DRD2: variants seen among roughly 807,000 people sequenced by gnomAD.
The protein encoded by DRD2 is dopamine receptor D2, also known as D(2) dopamine receptor.
Under a neutral mutation model 38.0 loss-of-function variants are expected in DRD2, and 8 were observed. The observed-to-expected ratio is 0.21, with a 90% CI of 0.12 to 0.38. DRD2 has a LOEUF of 0.38. DRD2 is among the 10% of genes least tolerant of loss of function. DRD2 has a pLI of 1.00. For missense variants in DRD2, 403 were observed against 607.7 expected, an observed-to-expected ratio of 0.66 and a Z score of 3.54; for synonymous variants, 230 against 238.6, an observed-to-expected ratio of 0.96 and a Z score of 0.33.
intron 1 of DRD2, among the ~76,000 whole-genome samples, chr11:113,463,172 C>G (rs1001615674): frequency 1.3e-5 from 2 of 152,228 alleles, no homozygotes; most frequent in African/African-American, 4.8e-5. Context: ...TCACTTATCT[C>G]TATTTCCCAG....
intron 1 of DRD2, among the ~76,000 whole-genome samples, chr11:113,474,671 G>A (rs911529681): frequency 1.7e-4 from 26 of 151,998 alleles, no homozygotes; most frequent in African/African-American, 5.6e-4. Flanking sequence ...CTGGCCGCGA[G>A]CCCCGGGTCT....
At chr11:113,425,612 A>G (rs1372469904) in intron 1 of DRD2, among the ~76,000 whole-genome samples, 1 of 152,208 alleles carries the variant, frequency 6.6e-6, no homozygotes, top group Non-Finnish European at 1.5e-5. Context: ...GGAGGGGCCC[A>G]GAGTGGAAGC....
At chr11:113,472,381 T>G (rs1015377857) in intron 1 of DRD2, among the ~76,000 whole-genome samples, 1 of 152,206 alleles carries the variant, frequency 6.6e-6, no homozygotes, top group Non-Finnish European at 1.5e-5. Flanking sequence ...CTCAGGAGTA[T>G]GTGAGGCCAT....
At chr11:113,435,219 G>A (rs1951024317) in intron 1 of DRD2, among the ~76,000 whole-genome samples, 1 of 152,014 alleles carries the variant, frequency 6.6e-6, no homozygotes, top group African/African-American at 2.4e-5. Context: ...AGGAAGGGGT[G>A]TCTGCCTGAC....
In DRD2 at chr11:113,410,672, G is replaced by A. The variant is rs1950760288; in HGVS notation, c.*55C>T. ...GCTCACGGTTCGCAAGGGTGAGGCTGGCCGGCCTGGGCAGGGAGGTGGGAA... is the reference window on the plus strand; with the variant it reads ...GCTCACGGTTCGCAAGGGTGAGGCTAGCCGGCCTGGGCAGGGAGGTGGGAA... On this transcript the variant is annotated 3_prime_UTR_variant, in exon 8 of 8. Coordinates refer to ENST00000362072, the MANE Select transcript of DRD2 (RefSeq NM_000795.4). 1.2e-6 allele frequency: 2 copies of A among 1,609,956 alleles called. No homozygotes were observed. Among genetic ancestry groups the A allele is most frequent in the Non-Finnish European group, 1.7e-6 (2 of 1,177,168 alleles).
chr11:113,431,169 T>G (rs1950983496), intron 1 of DRD2, among the ~76,000 whole-genome samples: 1 of 152,190 alleles, frequency 6.6e-6, no homozygotes, highest in East Asian at 1.9e-4. Context: ...AATACATGCA[T>G]GGACACTGTT....
intron 1 of DRD2, among the ~76,000 whole-genome samples, chr11:113,460,872 A>C (rs1951312207): frequency 6.6e-6 from 1 of 152,228 alleles, no homozygotes; most frequent in Non-Finnish European, 1.5e-5. Flanking sequence ...TCCCAGGTGG[A>C]GCCTCCAAGG....
At chr11:113,438,184 T>G (rs1477476104) in intron 1 of DRD2, among the ~76,000 whole-genome samples, 1 of 151,878 alleles carries the variant, frequency 6.6e-6, no homozygotes, top group Non-Finnish European at 1.5e-5. Context: ...CAATGCGTCC[T>G]ATTTTTATTG....
At chr11:113,422,985 G>A (rs962644011) in intron 2 of DRD2, among the ~76,000 whole-genome samples, 12 of 152,112 alleles carry the variant, frequency 7.9e-5, no homozygotes, top group South Asian at 2.1e-4. Context: ...GCAGAGCACC[G>A]GCACTTTCCT....
At chr11:113,435,117 C>T (rs1384399088) in intron 1 of DRD2, among the ~76,000 whole-genome samples, 2 of 152,166 alleles carry the variant, frequency 1.3e-5, no homozygotes, top group Non-Finnish European at 2.9e-5. Flanking sequence ...GCCTGAGCAG[C>T]AGCAGAATTT....
chr11:113,416,955 C>G lies in DRD2; in HGVS notation c.440G>C (p.Ser147Thr). ...CATGACGGTGACCCGGCGCTTGGAG[C>G]TGTAGCGCGTATTGTACAGCATGGG... ...AMPMLYNTRY[S>T]SKRRVTVMIS... Residue 147 changes from serine (S) to threonine (T), a missense_variant, in exon 4 of 8, where the codon AGC becomes ACC. Ser to Thr is a moderately conservative substitution (Grantham distance 58). Coordinates refer to ENST00000362072, the MANE Select transcript of DRD2 (RefSeq NM_000795.4). The G allele has an allele frequency of 6.2e-7, 1 of 1,614,136 alleles. No homozygotes were observed. Among genetic ancestry groups the G allele is most frequent in the Non-Finnish European group, 8.5e-7 (1 of 1,180,008 alleles).
chr11:113,450,492 C>T (rs760813354), intron 1 of DRD2, among the ~76,000 whole-genome samples: 1 of 152,184 alleles, frequency 6.6e-6, no homozygotes, highest in Non-Finnish European at 1.5e-5. Context: ...CTCAAAGGCT[C>T]CTCTCCCAAA....
chr11:113,418,114 C>A lies in DRD2; in HGVS notation c.308G>T (p.Ser103Ile), dbSNP rs1395977945. The change falls in exon 3 of 8, where the codon AGC (serine) becomes ATC (isoleucine). Residue 103 changes from serine (S) to isoleucine (I), a missense_variant. Physicochemically the swap from Ser to Ile is moderately radical, Grantham distance 142. Around this residue, in one of 4 missense-constraint regions of DRD2, gnomAD observed 162 missense variants for 254.5 expected, o/e 0.64. Coordinates refer to ENST00000362072, the MANE Select transcript of DRD2 (RefSeq NM_000795.4). ...YLEVVGEWKF[S>I]RIHCDIFVTL... ...GACGAAGATGTCACAGTGAATCCTG[C>A]TGAATTTCCACTCACCTACCACCTG... is the stretch of plus-strand genomic sequence containing the variant. The A allele has an allele frequency of 6.2e-7, 1 of 1,614,072 alleles. No individual in the cohort carries two copies.
intron 1 of DRD2, among the ~76,000 whole-genome samples, chr11:113,446,706 T>C (rs1951153421): frequency 6.6e-6 from 1 of 152,218 alleles, no homozygotes; most frequent in South Asian, 2.1e-4. Context: ...AATAATCCTG[T>C]AAATTCAATC....
At chr11:113,453,403 C>T (rs908600609) in intron 1 of DRD2, among the ~76,000 whole-genome samples, 2 of 152,146 alleles carry the variant, frequency 1.3e-5, no homozygotes, top group East Asian at 1.9e-4. Context: ...GTATACCATA[C>T]GCACTCAGTC....
intron 1 of DRD2, chr11:113,424,939 T>C: frequency 2.1e-6 from 1 of 486,540 alleles, no homozygotes; most frequent in Non-Finnish European, 3.7e-6. Context: ...AGCTGATCCA[T>C]CATTTATTTA....
chr11:113,416,956 T>C lies in DRD2; in HGVS notation c.439A>G (p.Ser147Gly). Residue 147 changes from serine to glycine, a missense_variant, in exon 4 of 8, where the codon AGC becomes GGC. Ser to Gly is a moderately conservative substitution (Grantham distance 56, BLOSUM62 0). This residue lies in a region of DRD2 where 162 missense variants were observed against 254.5 expected (regional missense o/e 0.64). Coordinates refer to ENST00000362072, the MANE Select transcript of DRD2 (RefSeq NM_000795.4). ...AMPMLYNTRY[S>G]SKRRVTVMIS... ...ATGACGGTGACCCGGCGCTTGGAGC[T>C]GTAGCGCGTATTGTACAGCATGGGC... 6.2e-7 allele frequency: 1 copy of C among 1,614,154 alleles called. No homozygotes were observed. The highest frequency in any genetic ancestry group is 8.5e-7 in the Non-Finnish European group (1 of 1,180,008).
chr11:113,438,580 T>C (rs1481451196), intron 1 of DRD2, among the ~76,000 whole-genome samples: 1 of 152,188 alleles, frequency 6.6e-6, no homozygotes, highest in Non-Finnish European at 1.5e-5. Flanking sequence ...TACCATGTTG[T>C]TCCCACTACT....
chr11:113,417,093 G>A lies in DRD2; in HGVS notation c.396-94C>T, dbSNP rs992108744. On this transcript the variant is annotated intron_variant, in intron 3 of 7. Coordinates refer to ENST00000362072, the MANE Select transcript of DRD2 (RefSeq NM_000795.4). ...ACCAGAGACACCCTCACTCCTTGGG[G>A]CTAAACAGTTGACACACCTCTATGA... 4.6e-6 allele frequency: 7 copies of A among 1,514,690 alleles called. No individual in the cohort carries two copies. The African/African-American group carries it at 6.9e-5, about 15-fold the overall frequency. 93.8% of individuals were successfully genotyped at this position (1,514,690 alleles called of 1,614,324 possible). A position where few individuals can be genotyped will look rare whatever the true frequency, so the allele number is the denominator to read the frequency against.
Sources: gnomAD v4.1 joint callset for allele counts (sites outside exome capture counted in the v4.1 genomes callset) on GRCh38, gnomAD v4.1.1 for gene constraint, gnomAD v4.1.1 regional missense constraint, MANE v1.5 for transcripts, NCBI Gene and HGNC (gene_info 2026-07-23, HGNC 2026-07-21) for gene names.